ZMYM2: variants seen among roughly 807,000 people sequenced by gnomAD.
The protein encoded by ZMYM2 is zinc finger MYM-type protein 2.
A neutral mutation model predicts 162.8 loss-of-function variants in ZMYM2; 56 were observed. The ratio of observed to expected loss-of-function variants is 0.34; its 90% CI spans 0.28 to 0.43. ZMYM2 has a LOEUF of 0.43. Ranked by LOEUF, ZMYM2 falls within the 20% of genes least tolerant of loss-of-function variation. The pLI, the probability that ZMYM2 is intolerant of heterozygous loss-of-function variation, is 1.00. For missense variants in ZMYM2, 1,275 were observed against 1,621.8 expected, an observed-to-expected ratio of 0.79 and a Z score of 3.67; for synonymous variants, 510 against 541.6, an observed-to-expected ratio of 0.94 and a Z score of 0.81.
At chr13:19,929,405 A>G in the ZMYM2 span, among the ~76,000 whole-genome samples, 1 of 151,902 alleles carries the variant, frequency 6.6e-6, no homozygotes, top group East Asian at 1.9e-4. Context: ...CGCCAGGCTA[A>G]TTTTTTGTAT....
At chr13:20,074,313 C>T (rs930393534) in intron 21 of ZMYM2, among the ~76,000 whole-genome samples, 2 of 149,894 alleles carry the variant, frequency 1.3e-5, no homozygotes, top group African/African-American at 2.5e-5. Context: ...CTTAGTATAC[C>T]CTCAACCTCC....
intron 21 of ZMYM2, among the ~76,000 whole-genome samples, chr13:20,073,565 A>C (rs928087780): frequency 2.2e-4 from 33 of 152,194 alleles, no homozygotes; most frequent in African/African-American, 7.0e-4. Flanking sequence ...AAGCTTAGAT[A>C]ATTGATTTTA....
intron 7 of ZMYM2, among the ~76,000 whole-genome samples, chr13:20,021,555 A>G (rs1013301655): frequency 6.6e-6 from 1 of 152,116 alleles, no homozygotes; most frequent in East Asian, 1.9e-4. Flanking sequence ...TAAGTTTTTG[A>G]AAAGACTTTG....
At chr13:19,930,950 T>C in the ZMYM2 span, among the ~76,000 whole-genome samples, 2 of 150,390 alleles carry the variant, frequency 1.3e-5, no homozygotes, top group African/African-American at 4.9e-5. Flanking sequence ...CCATCCTGGC[T>C]AATATGGTGA....
the ZMYM2 span, among the ~76,000 whole-genome samples, chr13:19,952,177 A>T: frequency 6.6e-6 from 1 of 152,122 alleles, no homozygotes; most frequent in Non-Finnish European, 1.5e-5. Flanking sequence ...GGAATCTTAA[A>T]CAAGTTGAAC....
intron 6 of ZMYM2, among the ~76,000 whole-genome samples, chr13:20,011,616 G>T: frequency 1.4e-5 from 2 of 140,676 alleles, no homozygotes; most frequent in African/African-American, 2.8e-5. Flanking sequence ...GTCTTGCTCT[G>T]TCACCCAGGC....
chr13:19,960,362 G>A (rs1406370603), intron 2 of ZMYM2, among the ~76,000 whole-genome samples: 3 of 152,232 alleles, frequency 2.0e-5, no homozygotes, highest in Admixed American at 2.0e-4. Context: ...GGGAATTAAA[G>A]TTATTTCTTG....
At chr13:20,060,681 A>C (rs1368727068) in intron 16 of ZMYM2, among the ~76,000 whole-genome samples, 1 of 152,034 alleles carries the variant, frequency 6.6e-6, no homozygotes, top group African/African-American at 2.4e-5. Flanking sequence ...TCCATCTCAA[A>C]AAAAAAAAAG....
At chr13:20,060,987 T>A in intron 16 of ZMYM2, 66 bp from the exon 17 acceptor site, 2 of 1,482,138 alleles carry the variant, frequency 1.3e-6, no homozygotes, top group Non-Finnish European at 1.8e-6. Flanking sequence ...GTCAGAGTAA[T>A]TTTTAATTTG....
Position 20,064,533 on chromosome 13 carries a change from A to G in ZMYM2, c.3120A>G (p.Arg1040=). ...GEEYEEQPRP[R]SKKKGAKRKA... is the part of the protein sequence containing the mutation. ...AATATGAGGAACAGCCCAGACCTCGATCTAAAAAAAAGGTACATTCACTTA... is the reference window on the plus strand; with the variant it reads ...AATATGAGGAACAGCCCAGACCTCGGTCTAAAAAAAAGGTACATTCACTTA... Residue 1040 remains arginine (R), a synonymous_variant, in exon 19 of 25, where the codon CGA becomes CGG. Transcript: ENST00000610343. The G allele has an allele frequency of 6.3e-7, 1 of 1,579,646 alleles. No homozygotes were observed. The highest frequency in any genetic ancestry group is 8.6e-7 in the Non-Finnish European group (1 of 1,162,154).
rs1956754821 is a variant in ZMYM2, at chr13:20,067,316, A to C, written c.3379A>C (p.Asn1127His). 6.2e-7 allele frequency: 1 copy of C among 1,607,384 alleles called. No individual in the cohort carries two copies. Among genetic ancestry groups the C allele is most frequent in the South Asian group, 1.1e-5 (1 of 89,318 alleles). The change falls in exon 21 of 25, where the codon AAT becomes CAT. Residue 1127 changes from asparagine (N) to histidine (H), a missense_variant. Transcript: ENST00000610343. ...TAACTATGGGTTAGCTCATTTTGTC[A>C]ATGAGATCCGACGGCCAAATGGAGA... ...ELNYGLAHFVNEIRRPNGENY... is the reference protein window; with the variant it reads ...ELNYGLAHFVHEIRRPNGENY...
At position 20,061,015 on chromosome 13, in the gene ZMYM2, G is replaced by A. The variant is rs73440164; in HGVS notation, c.2740-38G>A. 8,856 of 1,565,034 alleles carry A rather than the reference G, an allele frequency of 5.7e-3. 312 individuals carry two copies. The African/African-American group carries it at 0.091, about 16-fold the overall frequency. On this transcript the variant is annotated intron_variant, in intron 16 of 24. Coordinates refer to ENST00000610343, the MANE Select transcript of ZMYM2 (RefSeq NM_197968.4). ...TTAATTTGGAAAAATACCTTTTAAT[G>A]TTTAGTAAACCTAACTCAAAATGAT...
At chr13:19,965,516 T>C (rs1381046218) in intron 2 of ZMYM2, among the ~76,000 whole-genome samples, 1 of 152,204 alleles carries the variant, frequency 6.6e-6, no homozygotes, top group African/African-American at 2.4e-5. Flanking sequence ...TAGATAGTCA[T>C]AAAATATGTG....
At chr13:20,072,756 C>T (rs1421558844) in intron 21 of ZMYM2, among the ~76,000 whole-genome samples, 2 of 151,656 alleles carry the variant, frequency 1.3e-5, no homozygotes, top group African/African-American at 4.9e-5. Flanking sequence ...GTTTAGATTT[C>T]CTGTTTCTTC....
intron 2 of ZMYM2, among the ~76,000 whole-genome samples, chr13:19,985,389 A>G (rs911872561): frequency 1.3e-5 from 2 of 152,106 alleles, no homozygotes; most frequent in Non-Finnish European, 2.9e-5. Flanking sequence ...CTCCTAAAGT[A>G]CTGGGATCAC....
At chr13:20,081,353 T>C (rs1957893824) in intron 21 of ZMYM2, among the ~76,000 whole-genome samples, 1 of 152,228 alleles carries the variant, frequency 6.6e-6, no homozygotes, top group Admixed American at 6.5e-5. Flanking sequence ...TATAATTTTA[T>C]GTTATTTTCT....
chr13:19,954,006 A>G (rs1225342700), upstream of ZMYM2, among the ~76,000 whole-genome samples: 1 of 151,854 alleles, frequency 6.6e-6, no homozygotes, highest in Admixed American at 6.6e-5. Flanking sequence ...TTATATAGTC[A>G]TGTACCTAGT....
At chr13:19,991,879 C>T (rs1456607314) in intron 2 of ZMYM2, among the ~76,000 whole-genome samples, 2 of 152,106 alleles carry the variant, frequency 1.3e-5, no homozygotes, top group African/African-American at 2.4e-5. Flanking sequence ...ATCTGCCCAC[C>T]TCAGCCTCCC....
chr13:19,996,278 A>G (rs1950011828), intron 3 of ZMYM2, among the ~76,000 whole-genome samples: 2 of 152,198 alleles, frequency 1.3e-5, no homozygotes, highest in South Asian at 4.1e-4. Flanking sequence ...TAGAAAATCT[A>G]TAATTTAAAA....
Sources: gnomAD v4.1 joint callset for allele counts (sites outside exome capture counted in the v4.1 genomes callset) on GRCh38, gnomAD v4.1.1 for gene constraint, MANE v1.5 for transcripts, NCBI Gene and HGNC (gene_info 2026-07-23, HGNC 2026-07-21) for gene names.